The following HS3ST4 variants were observed in gnomAD, a reference collection of about 807,000 sequenced individuals.
HS3ST4 encodes the protein heparan sulfate glucosamine 3-O-sulfotransferase 4.
HS3ST4 carries 17 observed loss-of-function variants against 29.2 expected under a neutral mutation model. That is an observed-to-expected ratio of 0.58 (90% CI 0.40 to 0.87). The LOEUF (loss-of-function observed/expected upper bound fraction) is 0.87, where lower values mean the gene tolerates loss of function less well. HS3ST4 is among the 40% of genes least tolerant of loss of function. The probability of loss-of-function intolerance (pLI) is 0.00; values close to 1 mark genes in which losing one functional copy is unlikely to be tolerated. For missense variants in HS3ST4, 627 were observed against 634.5 expected (o/e 0.99, Z 0.13); for synonymous variants, 314 against 285.7 (o/e 1.10, Z -1.00).
chr16:25,781,539 T>A (rs1235511844), intron 1 of HS3ST4, among the ~76,000 whole-genome samples: 1 of 152,150 alleles, frequency 6.6e-6, no homozygotes, highest in Non-Finnish European at 1.5e-5. Flanking sequence ...ATCTAGACCA[T>A]GGACACATGA....
chr16:25,705,328 C>T (rs1249189530), intron 1 of HS3ST4, among the ~76,000 whole-genome samples: 28 of 152,150 alleles, frequency 1.8e-4, no homozygotes, highest in Admixed American at 1.8e-3. Flanking sequence ...GTGGGCACCT[C>T]TGTCATAGGA....
At chr16:26,033,983 T>A (rs1307712761) in intron 1 of HS3ST4, among the ~76,000 whole-genome samples, 1 of 152,202 alleles carries the variant, frequency 6.6e-6, no homozygotes, top group Non-Finnish European at 1.5e-5. Context: ...TTAACAAATA[T>A]TCTCCCAGTC....
At chr16:25,885,697 A>G (rs927788226) in intron 1 of HS3ST4, among the ~76,000 whole-genome samples, 1 of 151,874 alleles carries the variant, frequency 6.6e-6, no homozygotes, top group Non-Finnish European at 1.5e-5. Flanking sequence ...GTAACATTAT[A>G]TATATTATAT....
chr16:26,092,629 A>G (rs1302101493), intron 1 of HS3ST4, among the ~76,000 whole-genome samples: 1 of 152,214 alleles, frequency 6.6e-6, no homozygotes, highest in African/African-American at 2.4e-5. Context: ...CCGTTCCAAG[A>G]TGGCTGAATA....
intron 1 of HS3ST4, among the ~76,000 whole-genome samples, chr16:26,129,875 T>C (rs1899394509): frequency 6.6e-6 from 1 of 152,184 alleles, no homozygotes; most frequent in Non-Finnish European, 1.5e-5. Flanking sequence ...ATGGCTGTGC[T>C]CAGTCTAGGC....
chr16:26,027,185 C>T (rs1048402977), intron 1 of HS3ST4, among the ~76,000 whole-genome samples: 1 of 152,300 alleles, frequency 6.6e-6, no homozygotes, highest in Non-Finnish European at 1.5e-5. Context: ...CTGGGGATTA[C>T]TTTGGACTGT....
At chr16:25,997,664 A>G (rs572232892) in intron 1 of HS3ST4, among the ~76,000 whole-genome samples, 2 of 152,154 alleles carry the variant, frequency 1.3e-5, no homozygotes, top group African/African-American at 4.8e-5. Context: ...AATAGTTCCA[A>G]CTGAAGTCCT....
At chr16:26,085,726 T>TAGCTGTGC (rs1405172385) in intron 1 of HS3ST4, among the ~76,000 whole-genome samples, 17 of 152,038 alleles carry the variant, frequency 1.1e-4, no homozygotes, top group African/African-American at 4.1e-4. Flanking sequence ...TTTTAAAAAT[T>TAGCTGTGC]AGCTGTGCAT....
intron 1 of HS3ST4, among the ~76,000 whole-genome samples, chr16:25,929,456 C>T (rs913823809): frequency 1.2e-4 from 18 of 152,168 alleles, no homozygotes; most frequent in African/African-American, 4.1e-4. Context: ...GTACTATCCT[C>T]CAGGTTTCCT....
chr16:25,900,744 T>C (rs1291777165), intron 1 of HS3ST4, among the ~76,000 whole-genome samples: 1 of 152,148 alleles, frequency 6.6e-6, no homozygotes, highest in East Asian at 1.9e-4. Flanking sequence ...CTGGAATCTA[T>C]AGCATCTTAC....
chr16:26,035,433 A>T (rs1339397865), intron 1 of HS3ST4, among the ~76,000 whole-genome samples: 1 of 152,220 alleles, frequency 6.6e-6, no homozygotes, highest in Non-Finnish European at 1.5e-5. Context: ...AAATATCCCA[A>T]ACTGAAGCTG....
chr16:25,763,424 G>T (rs182551097), intron 1 of HS3ST4, among the ~76,000 whole-genome samples: 11 of 152,274 alleles, frequency 7.2e-5, no homozygotes, highest in East Asian at 5.8e-4. Flanking sequence ...ACACAAGCAG[G>T]GCTCTTGGGG....
chr16:25,728,372 T>C (rs1180989969), intron 1 of HS3ST4, among the ~76,000 whole-genome samples: 1 of 152,228 alleles, frequency 6.6e-6, no homozygotes, highest in Non-Finnish European at 1.5e-5. Context: ...ATCAGGTCTG[T>C]GTGACCTTGG....
chr16:25,715,953 CA>C (rs2141587164), intron 1 of HS3ST4, among the ~76,000 whole-genome samples: 1 of 152,318 alleles, frequency 6.6e-6, no homozygotes, highest in African/African-American at 2.4e-5. Flanking sequence ...AAGGACCTCT[CA>C]AAGCTCCTCT....
At chr16:25,804,199 T>C (rs116567228) in intron 1 of HS3ST4, among the ~76,000 whole-genome samples, 242 of 152,340 alleles carry the variant, frequency 1.6e-3, no homozygotes, top group African/African-American at 5.7e-3. Flanking sequence ...ATTTTATATT[T>C]CAGGATTTCT....
At chr16:26,057,488 C>G (rs1379958308) in intron 1 of HS3ST4, among the ~76,000 whole-genome samples, 1 of 152,176 alleles carries the variant, frequency 6.6e-6, no homozygotes, top group East Asian at 1.9e-4. Flanking sequence ...GGCGCGGTGG[C>G]TCACGCCTGT....
At chr16:25,926,526 A>C (rs1417410851) in intron 1 of HS3ST4, among the ~76,000 whole-genome samples, 2 of 152,240 alleles carry the variant, frequency 1.3e-5, no homozygotes, top group Non-Finnish European at 2.9e-5. Context: ...CTTTAATACT[A>C]TCTCTCTGCT....
intron 1 of HS3ST4, among the ~76,000 whole-genome samples, chr16:25,873,112 C>A (rs1328910290): frequency 1.3e-5 from 2 of 152,060 alleles, no homozygotes; most frequent in Non-Finnish European, 2.9e-5. Context: ...CCCATGTAGA[C>A]CATTGCTTCA....
intron 1 of HS3ST4, among the ~76,000 whole-genome samples, chr16:25,801,040 C>T (rs1360015184): frequency 6.6e-6 from 1 of 152,118 alleles, no homozygotes; most frequent in Non-Finnish European, 1.5e-5. Flanking sequence ...AAACAGATTG[C>T]TAGGTCCTAT....
Sources: gnomAD v4.1 joint callset for allele counts (sites outside exome capture counted in the v4.1 genomes callset) on GRCh38, gnomAD v4.1.1 for gene constraint, MANE v1.5 for transcripts, NCBI Gene and HGNC (gene_info 2026-07-23, HGNC 2026-07-21) for gene names.